The following ZNF185 variants were observed in gnomAD, a reference collection of about 807,000 sequenced individuals.
ZNF185 encodes zinc finger protein 185 with LIM domain, also known as zinc finger protein 185.
In ZNF185, 56 loss-of-function variants were observed where a neutral mutation model predicts 58.6. That is an observed-to-expected ratio of 0.95 (90% CI 0.77 to 1.19). The LOEUF is 1.19. Among genes scored for constraint, ZNF185 ranks in the 50% most tolerant of loss-of-function variants. ZNF185 has a pLI of 0.00. For missense variants in ZNF185, 627 were observed against 573.5 expected (o/e 1.09, Z -0.95); for synonymous variants, 230 against 215.9 (o/e 1.07, Z -0.57).
exon 14 of ZNF185, chrX:152,932,890 G>A (rs1243968225): frequency 1.7e-6 from 2 of 1,203,466 alleles, no homozygotes; most frequent in African/African-American, 3.5e-5. Flanking sequence ...GCACAGTTGA[G>A]TGATGGCAAT....
intron 3 of ZNF185, among the ~76,000 whole-genome samples, chrX:152,916,083 G>A (rs1938401817): frequency 8.9e-6 from 1 of 112,125 alleles, no homozygotes; most frequent in Admixed American, 9.4e-5. Context: ...GGCAACTGAC[G>A]TCCCAGCAGG....
At chrX:152,931,972 G>A (rs967641833) in intron 13 of ZNF185, among the ~76,000 whole-genome samples, 196 bp downstream of exon 14, 9 of 112,519 alleles carry the variant, frequency 8.0e-5, no homozygotes, top group Non-Finnish European at 1.7e-4. Flanking sequence ...AAGAAAGAAT[G>A]AATGAATGAG....
the ZNF185 span, among the ~76,000 whole-genome samples, chrX:152,898,468 T>C: frequency 7.4e-4 from 83 of 112,626 alleles, no homozygotes; most frequent in Non-Finnish European, 1.4e-3. Flanking sequence ...CAGAGGCAAG[T>C]GTCCCCCTTG....
chrX:152,914,733 G>C, exon 2 of ZNF185: 11 of 1,199,231 alleles, frequency 9.2e-6, no homozygotes, highest in Non-Finnish European at 1.1e-5. Context: ...ACCAGGCGAG[G>C]AGGAGCGCAA....
intron 15 of ZNF185, among the ~76,000 whole-genome samples, chrX:152,939,973 G>C (rs1043235697): frequency 4.5e-5 from 5 of 110,016 alleles, no homozygotes; most frequent in Admixed American, 9.7e-5. Flanking sequence ...ACTAGGGATA[G>C]GGTTTCACTG....
intron 13 of ZNF185, 121 bp from the exon 15 acceptor site, chrX:152,932,752 G>A: frequency 1.9e-6 from 1 of 515,326 alleles, no homozygotes; most frequent in Non-Finnish European, 3.4e-6. Context: ...TCTGGTCAGA[G>A]CAGCACAGAG....
At chrX:152,965,501 G>A in exon 19 of ZNF185, 1 of 1,188,899 alleles carries the variant, frequency 8.4e-7, no homozygotes, top group Non-Finnish European at 1.1e-6. Context: ...TGTCTTCTGG[G>A]AAGCCAGTAT....
intron 20 of ZNF185, among the ~76,000 whole-genome samples, chrX:152,968,845 C>A (rs180816308): frequency 2.7e-5 from 3 of 112,467 alleles, no homozygotes; most frequent in African/African-American, 9.7e-5. Context: ...TGGAAAGATG[C>A]TCAACCCAGG....
In ZNF185 at chrX:152,932,303, G is replaced by A. The variant is rs186036961; in HGVS notation, c.1022+527G>A. On this transcript the variant is annotated intron_variant, in intron 13 of 22. Coordinates refer to ENST00000449285, the Ensembl canonical transcript of ZNF185. The stretch of plus-strand genomic sequence containing the variant: ...TGGCAAGGGGTGAGGGGTCCAGGAC[G>A]GGAAGTTGGAGCCATAGCGGTGGAT... Among the ~76,000 whole-genome samples, 188 of 112,434 alleles carry A rather than the reference G, an allele frequency of 1.7e-3. 2 individuals are homozygous for A. The highest frequency in any genetic ancestry group is 5.5e-3 in the African/African-American group (171 of 30,971).
At chrX:152,914,085 A>G (rs1204371465), upstream of ZNF185, among the ~76,000 whole-genome samples, 1 of 110,880 alleles carries the variant, frequency 9.0e-6, no homozygotes, top group Admixed American at 9.5e-5. Flanking sequence ...TGAGTCCACC[A>G]GTGCCAGCTG....
rs2071264 is a variant in ZNF185 at position 152,945,530 on chromosome X, C to G, written c.1409+66C>G. ...TGTTTTTGTTGAGGTCTGCGACCCA[C>G]ATGGGAACCACTTCCCCACACCCTG... On this transcript the variant is annotated intron_variant, in intron 16 of 22. Coordinates refer to ENST00000449285, the Ensembl canonical transcript of ZNF185. The G allele has an allele frequency of 4.7e-4, 516 of 1,090,779 alleles. 4 individuals carry two copies. The East Asian group carries it at 0.017, about 35-fold the overall frequency. The allele number at this position is 1,090,779 out of a possible 1,213,427, so 89.9% of individuals were successfully genotyped here.
intron 19 of ZNF185, 95 bp downstream of exon 21, chrX:152,965,622 C>T (rs781843778): frequency 1.1e-5 from 8 of 737,143 alleles, no homozygotes; most frequent in Non-Finnish European, 1.4e-5. Context: ...CAGGACTTGG[C>T]TCAGAGTAGC....
chrX:152,921,335 G>A (rs1939669886), intron 9 of ZNF185, among the ~76,000 whole-genome samples: 1 of 111,442 alleles, frequency 9.0e-6, no homozygotes, highest in African/African-American at 3.3e-5. Context: ...GACAGGGAAG[G>A]CCTCTCTCTG....
At chrX:152,943,252 T>C (rs1182633479) in intron 15 of ZNF185, among the ~76,000 whole-genome samples, 2 of 111,677 alleles carry the variant, frequency 1.8e-5, no homozygotes, top group Non-Finnish European at 3.8e-5. Context: ...CACTTCTGCC[T>C]GCCAAAGTAC....
chrX:152,949,901 G>A (rs1421941759), intron 16 of ZNF185, among the ~76,000 whole-genome samples: 1 of 111,971 alleles, frequency 8.9e-6, no homozygotes, highest in Non-Finnish European at 1.9e-5. Context: ...GGGAGAGTAC[G>A]TATGACCCAG....
chrX:152,902,640 G>C, the ZNF185 span, among the ~76,000 whole-genome samples: 1 of 112,723 alleles, frequency 8.9e-6, no homozygotes, highest in East Asian at 2.8e-4. Context: ...GCAACATTCC[G>C]CTAGGCCGAT....
At chrX:152,915,068 A>G (rs782551453) in intron 2 of ZNF185, 70 bp from the exon 4 acceptor site, 62 of 1,132,644 alleles carry the variant, frequency 5.5e-5, no homozygotes, top group South Asian at 1.2e-4. Flanking sequence ...AGCCTCTAGG[A>G]TGGAGGCCAC....
intron 11 of ZNF185, among the ~76,000 whole-genome samples, chrX:152,924,236 T>A (rs1940381216): frequency 9.0e-6 from 1 of 110,642 alleles, no homozygotes; most frequent in Non-Finnish European, 1.9e-5. Context: ...AGCCTTAGCC[T>A]CCTGAGTAGC....
the ZNF185 span, among the ~76,000 whole-genome samples, chrX:152,904,206 G>C: frequency 3.6e-5 from 4 of 112,217 alleles, no homozygotes; most frequent in African/African-American, 1.3e-4. Flanking sequence ...GCTCTGGCAA[G>C]AGGGGCCCAG....
Sources: allele counts gnomAD v4.1 joint callset (sites outside exome capture counted in the v4.1 genomes callset), GRCh38; gene constraint gnomAD v4.1.1; transcripts MANE v1.5; gene names NCBI Gene and HGNC (gene_info 2026-07-23, HGNC 2026-07-21).